PCGF3: variants seen among roughly 807,000 people sequenced by gnomAD.
The protein encoded by PCGF3 is polycomb group ring finger 3, also known as polycomb group RING finger protein 3.
In PCGF3, 7 loss-of-function variants were observed where a neutral mutation model predicts 33.1. The observed-to-expected ratio is 0.21, with a 90% CI of 0.12 to 0.40. PCGF3 has a LOEUF of 0.40. Ranked by LOEUF, PCGF3 falls within the 10% of genes least tolerant of loss-of-function variation. The pLI is 1.00. For synonymous variants in PCGF3, 153 were observed against 121.3 expected (o/e 1.26, Z -1.72); for missense variants, 211 against 313.3 (o/e 0.67, Z 2.46).
chr4:730,848 T>C, intron 2 of PCGF3, 122 bp from the exon 3 acceptor site: 2 of 395,616 alleles, frequency 5.1e-6, no homozygotes, highest in Non-Finnish European at 8.9e-6. Context: ...GTACTTCTGA[T>C]TGACCCCATT....
At chr4:707,150 C>T (rs1053998370) in intron 1 of PCGF3, among the ~76,000 whole-genome samples, 1 of 151,782 alleles carries the variant, frequency 6.6e-6, no homozygotes, top group Non-Finnish European at 1.5e-5. Context: ...TGGGACAGGT[C>T]ACCGAGAAGG....
chr4:748,684 C>T (rs371602996), intron 8 of PCGF3, among the ~76,000 whole-genome samples: 20 of 152,284 alleles, frequency 1.3e-4, no homozygotes, highest in South Asian at 8.3e-4. Flanking sequence ...TTCATGACCC[C>T]GGTTTCACTG....
At chr4:738,548 A>G (rs1254297582) in intron 6 of PCGF3, among the ~76,000 whole-genome samples, 1 of 150,412 alleles carries the variant, frequency 6.6e-6, no homozygotes, top group Non-Finnish European at 1.5e-5. Context: ...GCCAGTGCTG[A>G]CACTTTAAGA....
At chr4:743,036 A>G (rs1222095484) in intron 6 of PCGF3, among the ~76,000 whole-genome samples, 1 of 152,160 alleles carries the variant, frequency 6.6e-6, no homozygotes, top group Admixed American at 6.5e-5. Context: ...TTCATCTCTG[A>G]GCTGCGGGTG....
intron 3 of PCGF3, among the ~76,000 whole-genome samples, chr4:731,586 GGCATA>G (rs1473563814): frequency 3.8e-4 from 47 of 124,856 alleles, no homozygotes; most frequent in South Asian, 9.1e-4. Flanking sequence ...GTGGTCCTCG[GGCATA>G]GGGCGGGGCT....
At chr4:765,031 C>G (rs924707776) in exon 10 of PCGF3, 6 of 1,613,796 alleles carry the variant, frequency 3.7e-6, no homozygotes, top group Middle Eastern at 1.7e-4. Flanking sequence ...ACCACACACT[C>G]AAGTTCGTGG....
intron 8 of PCGF3, 27 bp from the exon 9 acceptor site, chr4:761,252 C>A (rs752949793): frequency 1.9e-6 from 3 of 1,548,968 alleles, no homozygotes; most frequent in Non-Finnish European, 2.6e-6. Flanking sequence ...CCTCCTGCTG[C>A]GCTCTCACCA....
chr4:734,859 A>G (rs1345097173), intron 4 of PCGF3, 72 bp from the exon 5 acceptor site: 2 of 1,557,472 alleles, frequency 1.3e-6, no homozygotes, highest in Non-Finnish European at 8.7e-7. Context: ...GCCCGTGTTC[A>G]GTGGAGCACG....
At chr4:719,310 A>G (rs984861438) in intron 1 of PCGF3, among the ~76,000 whole-genome samples, 10 of 152,232 alleles carry the variant, frequency 6.6e-5, no homozygotes, top group Non-Finnish European at 1.3e-4. Context: ...AGAACCATGT[A>G]AAGTTCCGTT....
rs369501951 is a variant in PCGF3, at chr4:717,569, G to A, written c.-190+11599G>A. On this transcript the variant is annotated intron_variant, in intron 1 of 10. Transcript: ENST00000362003. ...TAATTTTTGTATTTATATTAGCGACGGGGTTTCACTGTATTGGCCAAGCTG... is the reference window on the plus strand; with the variant it reads ...TAATTTTTGTATTTATATTAGCGACAGGGTTTCACTGTATTGGCCAAGCTG... 1.3e-3 allele frequency among the ~76,000 whole-genome samples: 203 copies of A among 152,278 alleles called. 1 individual carries two copies. The highest frequency in any genetic ancestry group is 4.5e-3 in the African/African-American group (188 of 41,536).
intron 5 of PCGF3, among the ~76,000 whole-genome samples, chr4:736,530 A>G (rs189452542): frequency 0.21 from 20,331 of 94,792 alleles, 2,193 homozygotes; most frequent in South Asian, 0.25. Flanking sequence ...CTGAGCGCAT[A>G]GGATGCAGGG....
chr4:754,021 C>A (rs1744654288), intron 8 of PCGF3, among the ~76,000 whole-genome samples: 1 of 152,174 alleles, frequency 6.6e-6, no homozygotes, highest in Non-Finnish European at 1.5e-5. Flanking sequence ...GGAGTCGCCT[C>A]CGTCTTTGGT....
intron 3 of PCGF3, 92 bp from the exon 4 acceptor site, chr4:733,580 C>T (rs1743707534): frequency 2.2e-6 from 3 of 1,356,258 alleles, no homozygotes; most frequent in South Asian, 1.4e-5. Flanking sequence ...AGGGCCTGCA[C>T]TGTCCTCCCT....
chr4:726,807 A>C (rs1272464025), intron 1 of PCGF3, among the ~76,000 whole-genome samples: 1 of 152,084 alleles, frequency 6.6e-6, no homozygotes, highest in Admixed American at 6.6e-5. Flanking sequence ...AAAATTCACC[A>C]GTTTTATTGT....
In PCGF3 at chr4:754,162, CAG is replaced by C. The variant is rs540717363; in HGVS notation, c.463-7116_463-7115del. Among the ~76,000 whole-genome samples the C allele has an allele frequency of 3.9e-3, 598 of 152,306 alleles. 5 individuals carry two copies. Among genetic ancestry groups the C allele is most frequent in the African/African-American group, 0.013 (554 of 41,548 alleles). ...GGGTGTGATGTCCCAGCACCAGAAA[CAG>C]GGGAAATGGCTCCTATACCCTGAGC... On this transcript the variant is annotated intron_variant, in intron 8 of 10. Coordinates refer to ENST00000362003, the Ensembl canonical transcript of PCGF3.
At chr4:709,639 A>G (rs926890626) in intron 1 of PCGF3, among the ~76,000 whole-genome samples, 2 of 152,240 alleles carry the variant, frequency 1.3e-5, no homozygotes, top group Non-Finnish European at 2.9e-5. Flanking sequence ...GCTTGCCTGG[A>G]AGTTGGGCAG....
At chr4:713,078 C>T (rs899448358) in intron 1 of PCGF3, among the ~76,000 whole-genome samples, 1 of 145,270 alleles carries the variant, frequency 6.9e-6, no homozygotes, top group African/African-American at 2.7e-5. Flanking sequence ...GGGCTGTGGC[C>T]AAGTGGGTCC....
chr4:710,751 C>A (rs1223514577), intron 1 of PCGF3, among the ~76,000 whole-genome samples: 5 of 152,190 alleles, frequency 3.3e-5, no homozygotes, highest in Admixed American at 1.3e-4. Flanking sequence ...AAGACCCCCC[C>A]ACAAATTAAA....
At chr4:754,433 G>A (rs763296741) in intron 8 of PCGF3, among the ~76,000 whole-genome samples, 11 of 152,236 alleles carry the variant, frequency 7.2e-5, no homozygotes, top group South Asian at 4.1e-4. Flanking sequence ...CGCAGCCGGC[G>A]TGGTGAGGGT....
Sources: gnomAD v4.1 joint callset for allele counts (sites outside exome capture counted in the v4.1 genomes callset) on GRCh38, gnomAD v4.1.1 for gene constraint, MANE v1.5 for transcripts, NCBI Gene and HGNC (gene_info 2026-07-23, HGNC 2026-07-21) for gene names.